RSL1D1: variants seen among roughly 807,000 people sequenced by gnomAD.
The protein encoded by RSL1D1 is ribosomal L1 domain-containing protein 1.
Under a neutral mutation model 44.6 loss-of-function variants are expected in RSL1D1, and 34 were observed. That is an observed-to-expected ratio of 0.76 (90% CI 0.58 to 1.02). RSL1D1 has a LOEUF of 1.02. RSL1D1 is among the 50% of genes least tolerant of loss of function. The pLI is 0.00. For synonymous variants in RSL1D1, 271 were observed against 207.4 expected (o/e 1.31, Z -2.63); for missense variants, 767 against 568.1 (o/e 1.35, Z -3.56).
rs1386248172 is a variant in RSL1D1, at chr16:11,839,759, G to A, written c.1082C>T (p.Ser361Phe). ...GKAQVKATNESEDEIPQLVPI... is the reference protein window; with the variant it reads ...GKAQVKATNEFEDEIPQLVPI... ...TACCAGCTGTGGGATTTCGTCTTCGGATTCATTTGTTGCTTTAACTTGGGC... is the reference window on the plus strand; with the variant it reads ...TACCAGCTGTGGGATTTCGTCTTCGAATTCATTTGTTGCTTTAACTTGGGC... The change falls in exon 8 of 9, where the codon TCC becomes TTC. Residue 361 changes from serine (S) to phenylalanine (F), a missense_variant. Coordinates refer to ENST00000571133, the MANE Select transcript of RSL1D1 (RefSeq NM_015659.3). 1.2e-6 allele frequency: 2 copies of A among 1,614,068 alleles called. No individual in the cohort carries two copies. The highest frequency in any genetic ancestry group is 1.1e-5 in the South Asian group (1 of 91,078).
At chr16:11,848,500 T>A (rs1596442935) in intron 2 of RSL1D1, among the ~76,000 whole-genome samples, 1 of 152,210 alleles carries the variant, frequency 6.6e-6, no homozygotes, top group Non-Finnish European at 1.5e-5. Flanking sequence ...TTAAAACTCT[T>A]AGCTCCATAA....
chr16:11,838,071 G>C lies in RSL1D1; in HGVS notation c.1189C>G (p.Pro397Ala). The stretch of plus-strand genomic sequence containing the variant: ...TTCCCACGAGGTGTGCTGGGATTAG[G>C]ACTCTTTGCTGGAGACTTCTTTCCT... ...ATGKKSPAKS[P>A]NPSTPRGKKR... Residue 397 changes from proline (P) to alanine (A), a missense_variant, in exon 9 of 9, where the codon CCT (proline) becomes GCT (alanine). Pro to Ala is a conservative substitution (Grantham distance 27). Coordinates refer to ENST00000571133, the MANE Select transcript of RSL1D1 (RefSeq NM_015659.3). The C allele has an allele frequency of 6.3e-7, 1 of 1,598,860 alleles. No individual in the cohort carries two copies. Among genetic ancestry groups the C allele is most frequent in the Non-Finnish European group, 8.5e-7 (1 of 1,176,412 alleles).
At position 11,837,571 on chromosome 16, in the gene RSL1D1, G is replaced by A. The variant is rs1201160135; in HGVS notation, c.*216C>T. ...TCACCATGTTGGCCAGGATGGTCTC[G>A]ATCTCGTTGACCTTGTGATCCGCCT... On this transcript the variant is annotated 3_prime_UTR_variant, in exon 9 of 9. Transcript: ENST00000571133. The A allele has an allele frequency of 1.0e-5, 5 of 478,926 alleles. No homozygotes were observed. Among genetic ancestry groups the A allele is most frequent in the South Asian group, 3.1e-5 (1 of 32,080 alleles). 29.7% of individuals were successfully genotyped at this position (478,926 alleles called of 1,614,324 possible). A position where few individuals can be genotyped will look rare whatever the true frequency, so the allele number is the denominator to read the frequency against.
intron 1 of RSL1D1, 32 bp downstream of exon 1, chr16:11,851,376 C>T: frequency 6.2e-7 from 1 of 1,603,084 alleles, no homozygotes; most frequent in Non-Finnish European, 8.5e-7. Flanking sequence ...CGCCACACTG[C>T]TTCCAAGCCA....
rs571827402 is a variant in RSL1D1, at chr16:11,837,437, G to C, written c.*350C>G. 6.3e-5 allele frequency: 11 copies of C among 174,882 alleles called. No individual in the cohort carries two copies. The highest frequency in any genetic ancestry group is 7.2e-5 in the Non-Finnish European group (6 of 83,658). 10.8% of individuals were successfully genotyped at this position (174,882 alleles called of 1,614,324 possible). A position where few individuals can be genotyped will look rare whatever the true frequency, so the allele number is the denominator to read the frequency against. Reference sequence around the variant, plus strand: ...AGTGCAGTGGCTCACTGCAACCTCCGCCTCCCAGGTTCAAGCAATTCTCCT... The same window carrying C: ...AGTGCAGTGGCTCACTGCAACCTCCCCCTCCCAGGTTCAAGCAATTCTCCT... On this transcript the variant is annotated 3_prime_UTR_variant, in exon 9 of 9. Coordinates refer to ENST00000571133, the MANE Select transcript of RSL1D1 (RefSeq NM_015659.3).
At chr16:11,839,364 T>C in intron 8 of RSL1D1, among the ~76,000 whole-genome samples, 1 of 134,246 alleles carries the variant, frequency 7.4e-6, no homozygotes, top group African/African-American at 2.9e-5. Flanking sequence ...AGACTCCATC[T>C]TCAAAAAAAA....
chr16:11,849,344 C>T (rs2053820032), intron 2 of RSL1D1: 1 of 148,792 alleles, frequency 6.7e-6, no homozygotes, highest in African/African-American at 2.5e-5. Context: ...ACACAGATCT[C>T]ACTATTGTAC....
At chr16:11,838,934 T>A (rs965032827) in intron 8 of RSL1D1, among the ~76,000 whole-genome samples, 1 of 151,126 alleles carries the variant, frequency 6.6e-6, no homozygotes, top group Non-Finnish European at 1.5e-5. Flanking sequence ...CCTTTCCCTA[T>A]GACTGAGGGG....
At chr16:11,843,710 A>G (rs1295855436) in intron 5 of RSL1D1, among the ~76,000 whole-genome samples, 1 of 151,700 alleles carries the variant, frequency 6.6e-6, no homozygotes, top group Non-Finnish European at 1.5e-5. Context: ...CTACTAAAAA[A>G]ATACAAAAAA....
chr16:11,839,086 C>A (rs530093178), intron 8 of RSL1D1, among the ~76,000 whole-genome samples: 103 of 151,826 alleles, frequency 6.8e-4, no homozygotes, highest in South Asian at 1.7e-3. Context: ...CAACTGGTGG[C>A]TGAGTGCGGT....
intron 5 of RSL1D1, among the ~76,000 whole-genome samples, chr16:11,846,219 T>C (rs1015138872): frequency 1.1e-4 from 17 of 151,236 alleles, no homozygotes; most frequent in East Asian, 7.9e-4. Context: ...GGTGAAACCC[T>C]GTCTCTACTA....
Position 11,837,111 on chromosome 16 carries a change from GCA to G in RSL1D1, c.*674_*675del. On this transcript the variant is annotated 3_prime_UTR_variant, in exon 9 of 9. Transcript: ENST00000571133. ...ACCTCAGCCTCGTGAGGAGCTGGGA[GCA>G]CAGATGCATGCCACCATGCCACACT... 6.6e-6 allele frequency: 1 copy of G among 152,166 alleles called. No individual in the cohort carries two copies. The highest frequency in any genetic ancestry group is 1.5e-5 in the Non-Finnish European group (1 of 68,052). The allele number at this position is 152,166 out of a possible 1,614,324, so 9.4% of individuals were successfully genotyped here. A position where few individuals can be genotyped will look rare whatever the true frequency, so the allele number is the denominator to read the frequency against.
Position 11,850,469 on chromosome 16 carries a change from C to A in RSL1D1, c.106-51G>T, listed in dbSNP as rs753780758. On this transcript the variant is annotated intron_variant, in intron 1 of 8. Coordinates refer to ENST00000571133, the MANE Select transcript of RSL1D1 (RefSeq NM_015659.3). The stretch of plus-strand genomic sequence containing the variant: ...AGTGAAATGTTTTCACAATAACTTA[C>A]ACAAATAAATGAAATGTTCTCAATC... 12 of 1,551,754 alleles carry A rather than the reference C, an allele frequency of 7.7e-6. No homozygotes were observed. The East Asian group carries it at 2.8e-4, about 36-fold the overall frequency.
At chr16:11,840,019 G>T (rs1290368511) in intron 7 of RSL1D1, 34 bp from the exon 8 acceptor site, 4 of 1,600,926 alleles carry the variant, frequency 2.5e-6, no homozygotes, top group Non-Finnish European at 1.7e-6. Context: ...ATTTTAGCAG[G>T]AACAGTTCTG....
rs779409320 is a variant in RSL1D1, at chr16:11,846,823, T to A, written c.405A>T (p.Leu135=). The change falls in exon 4 of 9, where the codon CTA becomes CTT. Residue 135 remains leucine (L), a synonymous_variant. Coordinates refer to ENST00000571133, the MANE Select transcript of RSL1D1 (RefSeq NM_015659.3). The stretch of plus-strand genomic sequence containing the variant: ...CTTCATAGGATTTATATTCCTTCTT[T>A]AGAGTTTGGAGGGAGATAATCTAGG... ...TVSQIISLQT[L]KKEYKSYEAK... is the part of the protein sequence containing the mutation. The A allele has an allele frequency of 7.4e-6, 12 of 1,610,888 alleles. No homozygotes were observed. The Admixed American group carries it at 8.3e-5, about 11-fold the overall frequency.
chr16:11,847,018 ACT>A (rs1323090704), intron 3 of RSL1D1, among the ~76,000 whole-genome samples, 175 bp from the exon 4 acceptor site: 2 of 152,196 alleles, frequency 1.3e-5, no homozygotes, highest in Non-Finnish European at 2.9e-5. Context: ...TGCTGGGAAC[ACT>A]GAGACAAATG....
intron 2 of RSL1D1, 133 bp downstream of exon 2, chr16:11,850,146 T>C (rs547261936): frequency 5.9e-6 from 5 of 852,062 alleles, no homozygotes; most frequent in African/African-American, 3.5e-5. Context: ...CTTTTGGACA[T>C]AGTTGTTTTA....
rs531596085 is a variant in RSL1D1, at chr16:11,835,453, G to C, written c.*2334C>G. On this transcript the variant is annotated 3_prime_UTR_variant, in exon 9 of 9. Coordinates refer to ENST00000571133, the MANE Select transcript of RSL1D1 (RefSeq NM_015659.3). ...CAGCCTTGGCTGGGATTACAGATGTGAGCCACCACGCCCAGCCTCATTTTT... is the reference window on the plus strand; with the variant it reads ...CAGCCTTGGCTGGGATTACAGATGTCAGCCACCACGCCCAGCCTCATTTTT... 1 of 152,272 alleles carries C rather than the reference G, an allele frequency of 6.6e-6. No individual in the cohort carries two copies. The highest frequency in any genetic ancestry group is 1.5e-5 in the Non-Finnish European group (1 of 68,302). The allele number at this position is 152,272 out of a possible 1,614,324, so 9.4% of individuals were successfully genotyped here. A position where few individuals can be genotyped will look rare whatever the true frequency, so the allele number is the denominator to read the frequency against.
intron 5 of RSL1D1, among the ~76,000 whole-genome samples, chr16:11,844,140 G>A (rs557017847): frequency 1.3e-5 from 2 of 152,266 alleles, no homozygotes; most frequent in African/African-American, 4.8e-5. Flanking sequence ...CACTCCCTGT[G>A]CCTGTCACCA....
Sources: allele counts gnomAD v4.1 joint callset (sites outside exome capture counted in the v4.1 genomes callset), GRCh38; gene constraint gnomAD v4.1.1; transcripts MANE v1.5; gene names NCBI Gene and HGNC (gene_info 2026-07-23, HGNC 2026-07-21).